Variants in LARP1B observed in about 807,000 individuals in gnomAD.
LARP1B encodes the protein La ribonucleoprotein 1B.
A neutral mutation model predicts 114.2 loss-of-function variants in LARP1B; 76 were observed. The observed-to-expected ratio is 0.67, with a 90% CI of 0.55 to 0.81. The LOEUF is 0.81. LARP1B is among the 30% of genes least tolerant of loss of function. LARP1B has a pLI of 0.00. For missense variants in LARP1B, 1,014 were observed against 1,075.8 expected (o/e 0.94, Z 0.80); for synonymous variants, 345 against 348.0 (o/e 0.99, Z 0.10).
intron 17 of LARP1B, 104 bp from the exon 18 acceptor site, chr4:128,206,324 T>G: frequency 1.6e-6 from 1 of 622,592 alleles, no homozygotes; most frequent in Non-Finnish European, 2.6e-6. Flanking sequence ...ATGCTAAAAT[T>G]TTATTTTTTG....
At chr4:128,080,047 G>A (rs1270216591) in intron 4 of LARP1B, among the ~76,000 whole-genome samples, 1 of 150,254 alleles carries the variant, frequency 6.7e-6, no homozygotes, top group African/African-American at 2.5e-5. Context: ...GCAATGGCGC[G>A]ATCTCCAGCT....
At chr4:128,089,971 C>G (rs1188639516) in intron 5 of LARP1B, among the ~76,000 whole-genome samples, 1 of 151,658 alleles carries the variant, frequency 6.6e-6, no homozygotes, top group Non-Finnish European at 1.5e-5. Flanking sequence ...CAGGGTTTCG[C>G]CATGTTTCCC....
intron 19 of LARP1B, among the ~76,000 whole-genome samples, chr4:128,207,855 G>A (rs1219007802): frequency 3.3e-5 from 5 of 152,202 alleles, no homozygotes; most frequent in Admixed American, 3.3e-4. Context: ...AGCCAGACAA[G>A]GTCCTTTTGC....
At chr4:128,078,557 C>T (rs1430885621) in intron 4 of LARP1B, among the ~76,000 whole-genome samples, 10 of 150,918 alleles carry the variant, frequency 6.6e-5, no homozygotes, top group Non-Finnish European at 1.0e-4. Context: ...GCCGAGGTCG[C>T]GCCATTGCAC....
chr4:128,128,171 A>G (rs927542074), intron 11 of LARP1B, among the ~76,000 whole-genome samples: 1 of 152,164 alleles, frequency 6.6e-6, no homozygotes, highest in African/African-American at 2.4e-5. Flanking sequence ...AAAGTATAAA[A>G]CTCTTAGAAT....
chr4:128,062,045 C>G (rs1215337094), intron 1 of LARP1B: 2 of 985,208 alleles, frequency 2.0e-6, no homozygotes, highest in African/African-American at 3.5e-5. Flanking sequence ...GCCGCCGTTG[C>G]TGCGGGATCC....
chr4:128,110,484 T>C (rs1218297274), intron 9 of LARP1B, among the ~76,000 whole-genome samples: 12 of 148,518 alleles, frequency 8.1e-5, no homozygotes, highest in Middle Eastern at 3.4e-3. Flanking sequence ...CCATCCCGGC[T>C]AAAAAAAACG....
chr4:128,092,487 T>C (rs1347170791), intron 7 of LARP1B, among the ~76,000 whole-genome samples: 1 of 152,210 alleles, frequency 6.6e-6, no homozygotes, highest in Non-Finnish European at 1.5e-5. Flanking sequence ...TTATATAGTA[T>C]GTTTTTATAG....
rs1419556194 is a variant in LARP1B, at chr4:128,200,762, A to C, written c.2309+97A>C. The C allele has an allele frequency of 9.3e-6, 8 of 857,438 alleles. No homozygotes were observed. In the Admixed American group the frequency reaches 2.2e-4, roughly 23 times the overall value. 53.1% of individuals were successfully genotyped at this position (857,438 alleles called of 1,614,324 possible). ...ATCCGATAGAGGGAGTTTTTAGAAAATAATTTTTAAAACTAGTACTGAAGT... is the reference window on the plus strand; with the variant it reads ...ATCCGATAGAGGGAGTTTTTAGAAACTAATTTTTAAAACTAGTACTGAAGT... On this transcript the variant is annotated intron_variant, in intron 17 of 19. Transcript: ENST00000326639.
rs112341354 is a variant in LARP1B, at chr4:128,119,192, C to T, written c.1162-2634C>T. Among the ~76,000 whole-genome samples the T allele has an allele frequency of 8.8e-4, 134 of 152,210 alleles. 1 individual carries two copies. Among genetic ancestry groups the T allele is most frequent in the Middle Eastern group, 3.4e-3 (1 of 294 alleles). On this transcript the variant is annotated intron_variant, in intron 10 of 19. Transcript: ENST00000326639. ...GAGCCACTGTGCCCAGCTGATTGCA[C>T]GTTCTTGGTAAGTGAAAACGTCCTA...
At chr4:128,062,592 CTTTTTT>C (rs10659836) in intron 1 of LARP1B, among the ~76,000 whole-genome samples, 7 of 128,278 alleles carry the variant, frequency 5.5e-5, no homozygotes, top group Non-Finnish European at 7.9e-5. Context: ...TTTTGGTAGA[CTTTTTT>C]TTTTTTTTTT....
intron 11 of LARP1B, among the ~76,000 whole-genome samples, chr4:128,161,018 C>A (rs1167749991): frequency 6.6e-6 from 1 of 152,132 alleles, no homozygotes; most frequent in African/African-American, 2.4e-5. Context: ...ATGTTTTTTA[C>A]TTGCTTAAAC....
chr4:128,078,280 A>G (rs1434974983), intron 4 of LARP1B, among the ~76,000 whole-genome samples: 1 of 152,074 alleles, frequency 6.6e-6, no homozygotes, highest in Non-Finnish European at 1.5e-5. Flanking sequence ...CCCTATATTT[A>G]GGGAGTACTG....
intron 15 of LARP1B, among the ~76,000 whole-genome samples, chr4:128,184,850 G>C (rs1749761250): frequency 6.6e-6 from 1 of 151,964 alleles, no homozygotes; most frequent in African/African-American, 2.4e-5. Flanking sequence ...TTATCTTTCT[G>C]TGCCTGGCTT....
At chr4:128,156,041 C>A in intron 11 of LARP1B, 5 of 1,582,926 alleles carry the variant, frequency 3.2e-6, no homozygotes, top group Non-Finnish European at 4.3e-6. Flanking sequence ...CTGCACACCC[C>A]CAAGCTCATG....
rs1758975505 is a variant in LARP1B, at chr4:128,211,470, T to A, written c.*1417T>A. On this transcript the variant is annotated 3_prime_UTR_variant, in exon 20 of 20. Transcript: ENST00000326639. ...AGTTATTTCTCATGATAAGTAATAA[T>A]CAGCAGTTTTATAATATTTACTATT... 4.4e-6 allele frequency: 4 copies of A among 915,728 alleles called. No individual in the cohort carries two copies. In the Admixed American group the frequency reaches 2.5e-4, roughly 57 times the overall value. The allele number at this position is 915,728 out of a possible 1,614,324, so 56.7% of individuals were successfully genotyped here.
intron 3 of LARP1B, among the ~76,000 whole-genome samples, 159 bp from the exon 4 acceptor site, chr4:128,077,629 C>A (rs1768524207): frequency 6.6e-6 from 1 of 152,040 alleles, no homozygotes; most frequent in Admixed American, 6.6e-5. Context: ...TAGTCTGCAG[C>A]TTTACTTTTA....
chr4:128,097,874 TA>T (rs572146942), intron 7 of LARP1B, among the ~76,000 whole-genome samples: 88 of 152,100 alleles, frequency 5.8e-4, no homozygotes, highest in East Asian at 4.4e-3. Context: ...ATTAACTCAT[TA>T]AAAAAAATTA....
At chr4:128,138,528 T>G (rs1266669579) in intron 11 of LARP1B, among the ~76,000 whole-genome samples, 1 of 152,134 alleles carries the variant, frequency 6.6e-6, no homozygotes, top group Non-Finnish European at 1.5e-5. Flanking sequence ...GAGCTAATAA[T>G]AAGTCAAATA....
Sources: allele counts gnomAD v4.1 joint callset (sites outside exome capture counted in the v4.1 genomes callset), GRCh38; gene constraint gnomAD v4.1.1; transcripts MANE v1.5; gene names NCBI Gene and HGNC (gene_info 2026-07-23, HGNC 2026-07-21).